RABGAP1L: variants seen among roughly 807,000 people sequenced by gnomAD.
The protein encoded by RABGAP1L is rab GTPase-activating protein 1-like.
Under a neutral mutation model 137.7 loss-of-function variants are expected in RABGAP1L, and 63 were observed. That is an observed-to-expected ratio of 0.46 (90% confidence interval 0.37 to 0.56). RABGAP1L has a LOEUF of 0.56. RABGAP1L is among the 20% of genes least tolerant of loss of function. The probability of loss-of-function intolerance (pLI) is 0.00; values close to 1 mark genes in which losing one functional copy is unlikely to be tolerated. For synonymous variants in RABGAP1L, 431 were observed against 433.7 expected, an observed-to-expected ratio of 0.99 and a Z score of 0.08; for missense variants, 1,095 against 1,244.0, an observed-to-expected ratio of 0.88 and a Z score of 1.80.
At chr1:174,825,667 G>A (rs560078810) in intron 19 of RABGAP1L, among the ~76,000 whole-genome samples, 75 of 152,348 alleles carry the variant, frequency 4.9e-4, no homozygotes, top group African/African-American at 1.1e-3. Flanking sequence ...TGGATCACTT[G>A]AGGCCAGGAG....
At chr1:174,943,455 G>T (rs920726930) in intron 19 of RABGAP1L, among the ~76,000 whole-genome samples, 3 of 152,134 alleles carry the variant, frequency 2.0e-5, no homozygotes, top group African/African-American at 7.2e-5. Context: ...CCATGTATTA[G>T]TATCCCTCCA....
chr1:174,578,481 GT>G (rs913113573), intron 13 of RABGAP1L, among the ~76,000 whole-genome samples: 17 of 148,230 alleles, frequency 1.1e-4, no homozygotes, highest in South Asian at 2.2e-4. Context: ...GGCAGAAGTT[GT>G]TTTTTTTTTA....
At chr1:174,823,282 T>C (rs1691229147) in intron 19 of RABGAP1L, among the ~76,000 whole-genome samples, 1 of 152,222 alleles carries the variant, frequency 6.6e-6, no homozygotes, top group Non-Finnish European at 1.5e-5. Flanking sequence ...CAATTACCTT[T>C]TATCCAGTAG....
intron 18 of RABGAP1L, among the ~76,000 whole-genome samples, chr1:174,795,000 C>A (rs1688139380): frequency 6.6e-6 from 1 of 152,140 alleles, no homozygotes; most frequent in African/African-American, 2.4e-5. Flanking sequence ...ATAACCATGA[C>A]ACAGTGGAGT....
At chr1:174,849,018 G>A in intron 19 of RABGAP1L, among the ~76,000 whole-genome samples, 1 of 152,178 alleles carries the variant, frequency 6.6e-6, no homozygotes, top group Non-Finnish European at 1.5e-5. Context: ...CGCTTTCTTT[G>A]ACTCAGAAAG....
At chr1:174,640,298 T>A (rs1242015371) in intron 14 of RABGAP1L, among the ~76,000 whole-genome samples, 1 of 152,114 alleles carries the variant, frequency 6.6e-6, no homozygotes, top group Non-Finnish European at 1.5e-5. Flanking sequence ...TAGGATAGCA[T>A]ATCTATGAGT....
At chr1:174,962,662 C>A (rs1276021086) in intron 20 of RABGAP1L, among the ~76,000 whole-genome samples, 1 of 152,076 alleles carries the variant, frequency 6.6e-6, no homozygotes, top group Non-Finnish European at 1.5e-5. Context: ...GAGTAATTTT[C>A]ACATTTCTTT....
intron 11 of RABGAP1L, among the ~76,000 whole-genome samples, chr1:174,357,146 G>A (rs1366776991): frequency 6.6e-6 from 1 of 152,126 alleles, no homozygotes; most frequent in Non-Finnish European, 1.5e-5. Context: ...TAAGTTAAGC[G>A]TAGTCTCTCA....
intron 13 of RABGAP1L, among the ~76,000 whole-genome samples, chr1:174,399,124 T>C (rs1648237956): frequency 6.6e-6 from 1 of 152,186 alleles, no homozygotes; most frequent in Non-Finnish European, 1.5e-5. Context: ...ATCATAAGAC[T>C]TCTTTGACAT....
rs772812090 is a variant in RABGAP1L, at chr1:174,336,895, GAGAA to G, written c.1465+31772_1465+31775del. The stretch of plus-strand genomic sequence containing the variant: ...TGTGTGTGTGTGTGTGAGAGAGAGA[GAGAA>G]AGAGAGAGAAAGAATGGAGGAGGAA... On this transcript the variant is annotated intron_variant, in intron 11 of 25. Coordinates refer to ENST00000681986, the MANE Select transcript of RABGAP1L (RefSeq NM_001366446.1). 3.9e-3 allele frequency among the ~76,000 whole-genome samples: 559 copies of G among 141,840 alleles called. 5 individuals are homozygous for G. The highest frequency in any genetic ancestry group is 5.8e-3 in the Non-Finnish European group (382 of 65,600). 93.1% of individuals were successfully genotyped at this position (141,840 alleles called of 152,430 possible). A position where few individuals can be genotyped will look rare whatever the true frequency, so the allele number is the denominator to read the frequency against.
In RABGAP1L at chr1:174,839,361, G is replaced by A. The variant is rs143932345; in HGVS notation, c.2340+27401G>A. ...TGCACATCCACACACAGATACTTGAGACAACTTTACTGAGTCTCTATTCTT... is the reference window on the plus strand; with the variant it reads ...TGCACATCCACACACAGATACTTGAAACAACTTTACTGAGTCTCTATTCTT... On this transcript the variant is annotated intron_variant, in intron 19 of 25. Transcript: ENST00000681986. 2.9e-3 allele frequency among the ~76,000 whole-genome samples: 435 copies of A among 152,178 alleles called. 2 individuals carry two copies. Among genetic ancestry groups the A allele is most frequent in the Middle Eastern group, 6.8e-3 (2 of 294 alleles).
At chr1:174,810,505 C>T (rs1689763797) in intron 18 of RABGAP1L, among the ~76,000 whole-genome samples, 1 of 152,152 alleles carries the variant, frequency 6.6e-6, no homozygotes. Flanking sequence ...TCTCTGGCTT[C>T]CTGCCTACTT....
chr1:174,686,284 G>A (rs544263049), intron 15 of RABGAP1L, among the ~76,000 whole-genome samples: 3 of 152,216 alleles, frequency 2.0e-5, no homozygotes, highest in African/African-American at 7.2e-5. Context: ...TTTTCACTTT[G>A]TTTCACTTTG....
At chr1:174,856,462 A>G (rs1649326756) in intron 19 of RABGAP1L, among the ~76,000 whole-genome samples, 1 of 151,970 alleles carries the variant, frequency 6.6e-6, no homozygotes, top group Non-Finnish European at 1.5e-5. Flanking sequence ...TTAAAATATT[A>G]TATACTTCTA....
chr1:174,776,722 C>T (rs911786450), intron 18 of RABGAP1L, among the ~76,000 whole-genome samples: 3 of 152,126 alleles, frequency 2.0e-5, no homozygotes, highest in Non-Finnish European at 4.4e-5. Flanking sequence ...GGTGGTTACC[C>T]TGAGGCTAGC....
At chr1:174,176,764 A>G (rs551726632) in intron 1 of RABGAP1L, among the ~76,000 whole-genome samples, 2 of 138,362 alleles carry the variant, frequency 1.4e-5, no homozygotes, top group African/African-American at 2.7e-5. Context: ...ATTTGTTAAT[A>G]CTGCCATCAG....
At chr1:174,733,117 C>T (rs534888134) in intron 17 of RABGAP1L, among the ~76,000 whole-genome samples, 1 of 152,010 alleles carries the variant, frequency 6.6e-6, no homozygotes, top group Non-Finnish European at 1.5e-5. Context: ...AGGCTGGCTC[C>T]GAGTCTGTCT....
At chr1:174,566,393 G>T (rs1443348084) in intron 13 of RABGAP1L, among the ~76,000 whole-genome samples, 1 of 152,084 alleles carries the variant, frequency 6.6e-6, no homozygotes, top group Non-Finnish European at 1.5e-5. Context: ...GAGAACTTCT[G>T]GTGGTAATTG....
intron 13 of RABGAP1L, chr1:174,547,982 G>A (rs2147969042): frequency 6.4e-7 from 1 of 1,550,430 alleles, no homozygotes; most frequent in Non-Finnish European, 8.7e-7. Context: ...TTTTGTTTTA[G>A]TTCCTTTCCT....
Sources: gnomAD v4.1 joint callset for allele counts (sites outside exome capture counted in the v4.1 genomes callset) on GRCh38, gnomAD v4.1.1 for gene constraint, MANE v1.5 for transcripts, NCBI Gene and HGNC (gene_info 2026-07-23, HGNC 2026-07-21) for gene names.